The following TRAT1 variants were observed in gnomAD, a reference collection of about 807,000 sequenced individuals.
TRAT1 encodes T-cell receptor-associated transmembrane adapter 1.
A neutral mutation model predicts 20.0 loss-of-function variants in TRAT1; 20 were observed. The ratio of observed to expected loss-of-function variants is 1.00; its 90% CI spans 0.70 to 1.45. TRAT1 has a LOEUF of 1.45. Among genes scored for constraint, TRAT1 ranks in the 40% most tolerant of loss-of-function variants. TRAT1 has a pLI of 0.00. For synonymous variants in TRAT1, 77 were observed against 74.2 expected, an observed-to-expected ratio of 1.04 and a Z score of -0.20; for missense variants, 237 against 224.1, an observed-to-expected ratio of 1.06 and a Z score of -0.37.
At chr3:108,826,251 CTCAT>C (rs1945738096) in intron 1 of TRAT1, among the ~76,000 whole-genome samples, 1 of 83,020 alleles carries the variant, frequency 1.2e-5, no homozygotes, top group African/African-American at 4.5e-5. Context: ...GGTGACTACT[CTCAT>C]TCCCTTTTCC....
intron 3 of TRAT1, among the ~76,000 whole-genome samples, chr3:108,840,064 T>C (rs1228206369): frequency 6.6e-6 from 1 of 152,116 alleles, no homozygotes; most frequent in Non-Finnish European, 1.5e-5. Flanking sequence ...TCTCACTGGG[T>C]AGGATAAGAA....
rs116169069 is a variant in TRAT1, at chr3:108,827,375, T to A, written c.8-3295T>A. Among the ~76,000 whole-genome samples the A allele has an allele frequency of 5.8e-3, 601 of 103,296 alleles. 2 individuals carry two copies. The highest frequency in any genetic ancestry group is 0.024 in the African/African-American group (568 of 23,542). The allele number at this position is 103,296 out of a possible 152,430, so 67.8% of individuals were successfully genotyped here. ...TTACTGGGTAAGGGGAGGTATAAAG[T>A]ATGTGTGTATGTGTGTGTGTGTGTG... is the stretch of plus-strand genomic sequence containing the variant. On this transcript the variant is annotated intron_variant, in intron 1 of 5. Transcript: ENST00000295756.
rs922565197 is a variant in TRAT1, at chr3:108,830,673, T to A, written c.11T>A (p.Ile4Asn). The A allele has an allele frequency of 1.2e-6, 2 of 1,606,258 alleles. No homozygotes were observed. Among genetic ancestry groups the A allele is most frequent in the East Asian group, 2.2e-5 (1 of 44,848 alleles). Residue 4 changes from isoleucine to asparagine, a missense_variant, in exon 2 of 6, where the codon ATC becomes AAC. Physicochemically the swap from Ile to Asn is moderately radical, Grantham distance 149. Transcript: ENST00000295756. ...GTATGTTTATTTTAATTTCCAGGAA[T>A]CTCTGGGTGCCCCTTTTTCCTCTGG... Reference protein sequence around the residue: MSGISGCPFFLWGL... With the variant: MSGNSGCPFFLWGL...
chr3:108,848,427 G>A (rs1945967060), intron 4 of TRAT1, among the ~76,000 whole-genome samples: 1 of 152,124 alleles, frequency 6.6e-6, no homozygotes, highest in Non-Finnish European at 1.5e-5. Context: ...CTTCTGTCAG[G>A]TTACTGGCCA....
intron 2 of TRAT1, among the ~76,000 whole-genome samples, chr3:108,834,499 C>T (rs1945821786): frequency 6.6e-6 from 1 of 152,216 alleles, no homozygotes; most frequent in Non-Finnish European, 1.5e-5. Context: ...GCTCTGCAAA[C>T]AGTTCAGTTC....
intron 2 of TRAT1, 24 bp downstream of exon 2, chr3:108,830,804 C>T: frequency 6.8e-7 from 1 of 1,465,908 alleles, no homozygotes; most frequent in Non-Finnish European, 9.6e-7. Context: ...ACAAATTTCA[C>T]ATGGTACCTG....
chr3:108,853,819 A>T lies in TRAT1; in HGVS notation c.503A>T (p.His168Leu), dbSNP rs1377096840. The T allele has an allele frequency of 1.9e-6, 3 of 1,613,912 alleles. 1 individual carries two copies. The highest frequency in any genetic ancestry group is 2.5e-6 in the Non-Finnish European group (3 of 1,179,872). ...PESQAVEENI[H>L]DDPIRLFGLI... ...AGCCAGGCAGTAGAGGAAAACATTC[A>T]TGATGATCCCATCAGACTGTTTGGA... Residue 168 changes from histidine to leucine, a missense_variant, in exon 6 of 6, where the codon CAT (histidine) becomes CTT (leucine). Physicochemically the swap from His to Leu is moderately conservative, Grantham distance 99. Transcript: ENST00000295756.
chr3:108,835,889 T>C (rs1056940686), intron 2 of TRAT1, among the ~76,000 whole-genome samples: 5 of 147,304 alleles, frequency 3.4e-5, no homozygotes, highest in Non-Finnish European at 7.4e-5. Flanking sequence ...AGTTAGTTGT[T>C]TGTTTGTATT....
rs72949546 is a variant in TRAT1, at chr3:108,825,300, T to G, written c.7+2366T>G. Reference sequence around the variant, plus strand: ...CATCCATAATGTTCTGGTATCATAATTCCTGCTGTGTTTCTGCATTTACAT... The same window carrying G: ...CATCCATAATGTTCTGGTATCATAAGTCCTGCTGTGTTTCTGCATTTACAT... On this transcript the variant is annotated intron_variant, in intron 1 of 5. Coordinates refer to ENST00000295756, the MANE Select transcript of TRAT1 (RefSeq NM_016388.4). Among the ~76,000 whole-genome samples the G allele has an allele frequency of 5.1e-3, 771 of 152,284 alleles. 7 individuals are homozygous for G. The highest frequency in any genetic ancestry group is 0.017 in the African/African-American group (704 of 41,580).
At chr3:108,822,967 G>T (rs1341674264) in intron 1 of TRAT1, 33 bp downstream of exon 1, 1 of 1,603,702 alleles carries the variant, frequency 6.2e-7, no homozygotes, top group Non-Finnish European at 8.5e-7. Flanking sequence ...TGTTCCATTT[G>T]TGTGTCTAAA....
rs1272269254 is a variant in TRAT1 at position 108,854,713 on chromosome 3, A to T, written c.*836A>T. 1 of 152,126 alleles carries T rather than the reference A, an allele frequency of 6.6e-6. No homozygotes were observed. The highest frequency in any genetic ancestry group is 1.9e-4 in the East Asian group (1 of 5,206). The allele number at this position is 152,126 out of a possible 1,614,324, so 9.4% of individuals were successfully genotyped here. On this transcript the variant is annotated 3_prime_UTR_variant, in exon 6 of 6. Transcript: ENST00000295756. Reference sequence around the variant, plus strand: ...TATTTAACTATATATAAATACGCATATATTGTAATTTTAATGTCTGCTTAG... The same window carrying T: ...TATTTAACTATATATAAATACGCATTTATTGTAATTTTAATGTCTGCTTAG...
intron 4 of TRAT1, 97 bp downstream of exon 4, chr3:108,847,226 G>C: frequency 1.5e-6 from 1 of 680,132 alleles, no homozygotes; most frequent in Non-Finnish European, 2.5e-6. Context: ...ATCACACTTA[G>C]CTATCCCAGT....
intron 1 of TRAT1, among the ~76,000 whole-genome samples, chr3:108,827,377 T>C (rs1050347232): frequency 1.1e-5 from 1 of 95,184 alleles, no homozygotes; most frequent in Non-Finnish European, 2.0e-5. Context: ...GTATAAAGTA[T>C]GTGTGTATGT....
intron 3 of TRAT1, among the ~76,000 whole-genome samples, chr3:108,839,501 C>T (rs1232826247): frequency 6.6e-6 from 1 of 152,094 alleles, no homozygotes; most frequent in Non-Finnish European, 1.5e-5. Context: ...AAAAAATTAG[C>T]TGGGCGTGGT....
intron 1 of TRAT1, among the ~76,000 whole-genome samples, chr3:108,825,767 AT>A (rs1399170822): frequency 6.6e-6 from 1 of 152,166 alleles, no homozygotes; most frequent in East Asian, 1.9e-4. Flanking sequence ...GCATTCCTGA[AT>A]TAAAGGGAAG....
chr3:108,853,634 A>G lies in TRAT1; in HGVS notation c.318A>G (p.Thr106=), dbSNP rs1302388874. 1 of 1,613,466 alleles carries G rather than the reference A, an allele frequency of 6.2e-7. No individual in the cohort carries two copies. The highest frequency in any genetic ancestry group is 8.5e-7 in the Non-Finnish European group (1 of 1,179,556). Reference sequence around the variant, plus strand: ...CTTTCTTTTAGGCAACCAATGAAACACAGATGTGCTACGCCTCACTTGATC... The same window carrying G: ...CTTTCTTTTAGGCAACCAATGAAACGCAGATGTGCTACGCCTCACTTGATC... ...ATPSAQATNE[T]QMCYASLDHS... is the part of the protein sequence containing the mutation. The change falls in exon 6 of 6, where the codon ACA becomes ACG. Residue 106 remains threonine, a synonymous_variant. Transcript: ENST00000295756.
At chr3:108,843,850 G>C (rs1167041814) in intron 3 of TRAT1, among the ~76,000 whole-genome samples, 2 of 152,134 alleles carry the variant, frequency 1.3e-5, no homozygotes, top group Admixed American at 1.3e-4. Flanking sequence ...TCTGGGCTCT[G>C]AGCCACCTCC....
At chr3:108,846,190 C>T (rs1945940134) in intron 3 of TRAT1, among the ~76,000 whole-genome samples, 1 of 152,172 alleles carries the variant, frequency 6.6e-6, no homozygotes, top group African/African-American at 2.4e-5. Context: ...GACTGTGTAT[C>T]TGTGGACAAT....
At chr3:108,842,001 T>C (rs984670037) in intron 3 of TRAT1, among the ~76,000 whole-genome samples, 2 of 152,208 alleles carry the variant, frequency 1.3e-5, no homozygotes, top group African/African-American at 4.8e-5. Context: ...TATAATACTT[T>C]ATTTACAGAG....
Sources: allele counts gnomAD v4.1 joint callset (sites outside exome capture counted in the v4.1 genomes callset), GRCh38; gene constraint gnomAD v4.1.1; transcripts MANE v1.5; gene names NCBI Gene and HGNC (gene_info 2026-07-23, HGNC 2026-07-21).